Variants in CHRM3 observed in about 807,000 individuals in gnomAD.
CHRM3 encodes the protein cholinergic receptor muscarinic 3.
Under a neutral mutation model 41.8 loss-of-function variants are expected in CHRM3, and 11 were observed. That is an observed-to-expected ratio of 0.26 (90% confidence interval 0.17 to 0.44). CHRM3 has a LOEUF of 0.44. CHRM3 is among the 20% of genes least tolerant of loss of function. The pLI is 1.00. For synonymous variants in CHRM3, 297 were observed against 301.4 expected (o/e 0.99, Z 0.15); for missense variants, 571 against 745.4 (o/e 0.77, Z 2.72).
intron 2 of CHRM3, among the ~76,000 whole-genome samples, chr1:239,501,884 G>A (rs2354403): frequency 0.21 from 31,256 of 151,980 alleles, 3,873 homozygotes; most frequent in Middle Eastern, 0.36. Flanking sequence ...CTGAACGACA[G>A]TAATGACACA....
At chr1:239,615,490 G>A (rs1304914571) in intron 3 of CHRM3, among the ~76,000 whole-genome samples, 1 of 152,166 alleles carries the variant, frequency 6.6e-6, no homozygotes, top group Non-Finnish European at 1.5e-5. Context: ...TCTGTTTTAG[G>A]AAGACCAGGC....
intron 2 of CHRM3, among the ~76,000 whole-genome samples, chr1:239,500,994 A>G (rs1218944059): frequency 6.6e-6 from 1 of 152,230 alleles, no homozygotes; most frequent in Non-Finnish European, 1.5e-5. Context: ...TTCAGACAAA[A>G]CAAATGTTAA....
intron 2 of CHRM3, among the ~76,000 whole-genome samples, chr1:239,536,276 A>G (rs1658187226): frequency 1.3e-5 from 2 of 152,166 alleles, no homozygotes; most frequent in Non-Finnish European, 2.9e-5. Context: ...AATACCCTCC[A>G]TTCTATAATT....
At chr1:239,859,352 A>G (rs1489890389) in intron 6 of CHRM3, among the ~76,000 whole-genome samples, 1 of 150,884 alleles carries the variant, frequency 6.6e-6, no homozygotes, top group Non-Finnish European at 1.5e-5. Context: ...CATTTTCCTA[A>G]TAACAAATGA....
intron 1 of CHRM3, among the ~76,000 whole-genome samples, chr1:239,424,695 G>A (rs909550663): frequency 3.9e-5 from 6 of 152,196 alleles, no homozygotes; most frequent in Admixed American, 1.3e-4. Flanking sequence ...TTAGTGGAGA[G>A]CATTTCTGTG....
chr1:239,634,047 T>C (rs539965016), intron 4 of CHRM3, among the ~76,000 whole-genome samples: 1 of 152,284 alleles, frequency 6.6e-6, no homozygotes, highest in Non-Finnish European at 1.5e-5. Flanking sequence ...TGTTAAGAAC[T>C]TTGTCCTGTG....
chr1:239,830,778 C>T (rs1014066791), intron 6 of CHRM3, among the ~76,000 whole-genome samples: 6 of 152,150 alleles, frequency 3.9e-5, no homozygotes, highest in African/African-American at 1.4e-4. Flanking sequence ...GCAAAGAAGA[C>T]CAATGATGTC....
At chr1:239,652,928 A>G (rs1672369564) in intron 4 of CHRM3, among the ~76,000 whole-genome samples, 1 of 152,248 alleles carries the variant, frequency 6.6e-6, no homozygotes, top group East Asian at 1.9e-4. Context: ...TCATCTCAAT[A>G]TAAGAGACTG....
intron 1 of CHRM3, among the ~76,000 whole-genome samples, chr1:239,413,358 T>C (rs1239017563): frequency 1.3e-5 from 2 of 152,084 alleles, no homozygotes; most frequent in Non-Finnish European, 2.9e-5. Context: ...GGTGGGATCT[T>C]AGCTCGCTGC....
At chr1:239,599,185 C>T (rs923835887) in intron 3 of CHRM3, among the ~76,000 whole-genome samples, 2 of 152,162 alleles carry the variant, frequency 1.3e-5, no homozygotes, top group African/African-American at 4.8e-5. Context: ...CAGAGATTCT[C>T]CCTTCATCAC....
intron 5 of CHRM3, among the ~76,000 whole-genome samples, chr1:239,814,858 C>T (rs957211407): frequency 2.6e-5 from 4 of 152,180 alleles, no homozygotes; most frequent in African/African-American, 4.8e-5. Context: ...TCTCGGCTCA[C>T]GGCAACCTCT....
intron 6 of CHRM3, among the ~76,000 whole-genome samples, chr1:239,883,547 T>C (rs1014465377): frequency 3.3e-5 from 5 of 152,242 alleles, no homozygotes; most frequent in African/African-American, 1.2e-4. Context: ...TAAATTTATT[T>C]GATCCTCCCT....
At chr1:239,415,868 T>C (rs900215282) in intron 1 of CHRM3, among the ~76,000 whole-genome samples, 6 of 152,216 alleles carry the variant, frequency 3.9e-5, no homozygotes, top group Non-Finnish European at 7.4e-5. Flanking sequence ...TGGTCTTATG[T>C]AAATAATGCA....
intron 3 of CHRM3, among the ~76,000 whole-genome samples, chr1:239,618,310 T>C (rs1342085112): frequency 9.3e-6 from 1 of 107,030 alleles, no homozygotes. Flanking sequence ...ACAAGCAGAG[T>C]GGTAAGGCAC....
At chr1:239,661,290 C>T (rs1229068664) in intron 4 of CHRM3, among the ~76,000 whole-genome samples, 1 of 152,220 alleles carries the variant, frequency 6.6e-6, no homozygotes, top group Non-Finnish European at 1.5e-5. Flanking sequence ...AGAGACCAAG[C>T]TGTCTGCTCC....
At chr1:239,865,828 G>A (rs965558167) in intron 6 of CHRM3, among the ~76,000 whole-genome samples, 23 of 152,168 alleles carry the variant, frequency 1.5e-4, no homozygotes, top group Admixed American at 1.4e-3. Context: ...AAAGGAAAAG[G>A]TACCACATGT....
intron 5 of CHRM3, among the ~76,000 whole-genome samples, chr1:239,813,422 A>T (rs184620505): frequency 6.6e-6 from 1 of 152,378 alleles, no homozygotes; most frequent in East Asian, 1.9e-4. Flanking sequence ...GGCTAAGTCC[A>T]TAAGTCATTA....
At chr1:239,598,425 A>G (rs1165897758) in intron 3 of CHRM3, among the ~76,000 whole-genome samples, 1 of 152,072 alleles carries the variant, frequency 6.6e-6, no homozygotes, top group South Asian at 2.1e-4. Context: ...GGCTCAGGAG[A>G]CCTTGATTCT....
intron 5 of CHRM3, among the ~76,000 whole-genome samples, chr1:239,788,260 C>G (rs757102592): frequency 6.6e-6 from 1 of 151,714 alleles, no homozygotes; most frequent in South Asian, 2.1e-4. Flanking sequence ...CAAGACAAAA[C>G]GAAAAAATAG....
Sources: gnomAD v4.1 joint callset for allele counts (sites outside exome capture counted in the v4.1 genomes callset) on GRCh38, gnomAD v4.1.1 for gene constraint, MANE v1.5 for transcripts, NCBI Gene and HGNC (gene_info 2026-07-23, HGNC 2026-07-21) for gene names.